The following CDON variants were observed in gnomAD, a reference collection of about 807,000 sequenced individuals.
CDON encodes cell adhesion associated, oncogene regulated, also known as cell adhesion molecule-related/down-regulated by oncogenes.
Under a neutral mutation model 120.9 loss-of-function variants are expected in CDON, and 73 were observed. The observed-to-expected ratio is 0.60, with a 90% CI of 0.50 to 0.73. CDON has a LOEUF of 0.73. Ranked by LOEUF, CDON falls within the 30% of genes least tolerant of loss-of-function variation. CDON has a pLI of 0.00. For missense variants in CDON, 1,470 were observed against 1,587.3 expected, an observed-to-expected ratio of 0.93 and a Z score of 1.26; for synonymous variants, 566 against 573.5, an observed-to-expected ratio of 0.99 and a Z score of 0.19.
At chr11:126,028,247 T>C (rs1947849225) in intron 1 of CDON, among the ~76,000 whole-genome samples, 1 of 152,206 alleles carries the variant, frequency 6.6e-6, no homozygotes, top group Non-Finnish European at 1.5e-5. Flanking sequence ...GTCAACATTC[T>C]GATGCACTTC....
Position 126,010,712 on chromosome 11 carries a change from C to T in CDON, c.1199-18G>A. ...TCCACCGTCTATTAAAAAAGTAATTCACATATGAAAAATGAAGAACATTGT... is the reference window on the plus strand; with the variant it reads ...TCCACCGTCTATTAAAAAAGTAATTTACATATGAAAAATGAAGAACATTGT... On this transcript the variant is annotated intron_variant, in intron 7 of 19. Transcript: ENST00000531738. The T allele has an allele frequency of 6.3e-7, 1 of 1,598,616 alleles. No individual in the cohort carries two copies. The highest frequency in any genetic ancestry group is 8.6e-7 in the Non-Finnish European group (1 of 1,166,492).
chr11:125,995,155 G>T, intron 12 of CDON, 103 bp from the exon 13 acceptor site: 2 of 934,314 alleles, frequency 2.1e-6, no homozygotes, highest in Non-Finnish European at 3.4e-6. Context: ...TATGGCAATT[G>T]TGCTGAAGTA....
At chr11:126,054,744 T>A (rs536474735) in intron 1 of CDON, among the ~76,000 whole-genome samples, 1 of 152,314 alleles carries the variant, frequency 6.6e-6, no homozygotes, top group East Asian at 1.9e-4. Context: ...AAATGCACGT[T>A]AATGCCATCC....
Position 125,981,970 on chromosome 11 carries a change from C to CTTTTTTTTTTTTTTTTTTTTTTT in CDON, c.2996-664_2996-642dup, listed in dbSNP as rs61446837. Among the ~76,000 whole-genome samples the CTTTTTTTTTTTTTTTTTTTTTTT allele has an allele frequency of 9.2e-5, 5 of 54,296 alleles. 1 individual carries two copies. Among genetic ancestry groups the CTTTTTTTTTTTTTTTTTTTTTTT allele is most frequent in the Admixed American group, 3.1e-4 (1 of 3,236 alleles). The allele number at this position is 54,296 out of a possible 152,430, so 35.6% of individuals were successfully genotyped here. The stretch of plus-strand genomic sequence containing the variant: ...CAAAGGCAAAAAGTGATTCTATTTT[C>CTTTTTTTTTTTTTTTTTTTTTTT]TTTTTTTTTTTTTTTTTTTTTTTTT... On this transcript the variant is annotated intron_variant, in intron 16 of 19. Coordinates refer to ENST00000531738, the MANE Select transcript of CDON (RefSeq NM_001378964.1).
rs1249644283 is a variant in CDON, at chr11:125,959,677, C to A, written c.*1265G>T. 6.6e-6 allele frequency: 1 copy of A among 152,130 alleles called. No individual in the cohort carries two copies. Among genetic ancestry groups the A allele is most frequent in the African/African-American group, 2.4e-5 (1 of 41,424 alleles). The allele number at this position is 152,130 out of a possible 1,614,324, so 9.4% of individuals were successfully genotyped here. A position where few individuals can be genotyped will look rare whatever the true frequency, so the allele number is the denominator to read the frequency against. ...CAAAGTAAGTCTTTTCTGACACTCA[C>A]CCCTGCAGGCCGTTGCCTATGCTGG... On this transcript the variant is annotated 3_prime_UTR_variant, in exon 20 of 20. Transcript: ENST00000531738.
intron 7 of CDON, 158 bp from the exon 8 acceptor site, chr11:126,010,852 G>A: frequency 1.5e-6 from 1 of 688,154 alleles, no homozygotes; most frequent in Non-Finnish European, 2.6e-6. Flanking sequence ...AAGTAAGACT[G>A]TCAATAAATG....
At chr11:125,987,985 A>C (rs892328513) in intron 15 of CDON, among the ~76,000 whole-genome samples, 3 of 152,186 alleles carry the variant, frequency 2.0e-5, no homozygotes, top group Non-Finnish European at 4.4e-5. Context: ...CATTTTTTAA[A>C]AACGTACTTT....
intron 18 of CDON, among the ~76,000 whole-genome samples, chr11:125,963,525 G>C (rs1945707218): frequency 6.6e-6 from 1 of 152,272 alleles, no homozygotes; most frequent in Admixed American, 6.5e-5. Context: ...CTAATCAACT[G>C]TTGCTAGCAG....
At chr11:126,016,937 A>G (rs1947485072) in intron 6 of CDON, 151 bp downstream of exon 6, 1 of 671,224 alleles carries the variant, frequency 1.5e-6, no homozygotes, top group Admixed American at 2.9e-5. Flanking sequence ...CTAATTCAGC[A>G]GTCCATTATA....
At chr11:126,031,168 T>TA (rs1947932548) in intron 1 of CDON, among the ~76,000 whole-genome samples, 1 of 152,214 alleles carries the variant, frequency 6.6e-6, no homozygotes, top group Non-Finnish European at 1.5e-5. Flanking sequence ...GCTTACTATA[T>TA]ACCAGGCACT....
intron 1 of CDON, among the ~76,000 whole-genome samples, chr11:126,043,004 C>T (rs1948305834): frequency 6.6e-6 from 1 of 152,190 alleles, no homozygotes; most frequent in South Asian, 2.1e-4. Flanking sequence ...CTTCCTAGAA[C>T]TAAATTGAAA....
At chr11:125,999,656 A>G (rs138794178) in intron 11 of CDON, among the ~76,000 whole-genome samples, 2 of 152,166 alleles carry the variant, frequency 1.3e-5, no homozygotes, top group Admixed American at 1.3e-4. Flanking sequence ...CCCACACCCA[A>G]TCCATCATCT....
chr11:125,964,291 C>A lies in CDON; in HGVS notation c.3357-2293G>T, dbSNP rs568828479. Among the ~76,000 whole-genome samples, 4 of 152,256 alleles carry A rather than the reference C, an allele frequency of 2.6e-5. No individual in the cohort carries two copies. In the South Asian group the frequency reaches 8.3e-4, roughly 32 times the overall value. On this transcript the variant is annotated intron_variant, in intron 18 of 19. Transcript: ENST00000531738. ...ATAACTAACCTTATCTGAAAGAACCCTTTATTGAGAAAGCATTTGCTAAAT... is the reference window on the plus strand; with the variant it reads ...ATAACTAACCTTATCTGAAAGAACCATTTATTGAGAAAGCATTTGCTAAAT...
intron 18 of CDON, among the ~76,000 whole-genome samples, chr11:125,975,793 C>T (rs1235105676): frequency 6.6e-6 from 1 of 152,212 alleles, no homozygotes; most frequent in Non-Finnish European, 1.5e-5. Flanking sequence ...CCTATTCATT[C>T]TTATGTAAAC....
chr11:126,027,739 CCTT>C (rs989111332), intron 1 of CDON, among the ~76,000 whole-genome samples: 2 of 152,180 alleles, frequency 1.3e-5, no homozygotes, highest in African/African-American at 4.8e-5. Flanking sequence ...ATCCCATCCT[CCTT>C]ATCTTTTCTT....
chr11:126,027,186 G>A (rs1292942507), intron 1 of CDON, among the ~76,000 whole-genome samples: 2 of 152,196 alleles, frequency 1.3e-5, no homozygotes, highest in Non-Finnish European at 1.5e-5. Flanking sequence ...AGGCAAGCCT[G>A]CTCAGTTTGT....
At chr11:125,984,240 A>G in intron 15 of CDON, 147 bp from the exon 16 acceptor site, 1 of 668,396 alleles carries the variant, frequency 1.5e-6, no homozygotes, top group Non-Finnish European at 2.6e-6. Context: ...TGAGTCACAA[A>G]GAGGGCTCCA....
At chr11:125,984,146 A>G in intron 15 of CDON, 53 bp from the exon 16 acceptor site, 1 of 1,281,698 alleles carries the variant, frequency 7.8e-7, no homozygotes, top group Non-Finnish European at 1.1e-6. Flanking sequence ...AGACTCCATG[A>G]AATGGTTTAC....
At chr11:126,061,396 T>A (rs1171447235) in intron 1 of CDON, among the ~76,000 whole-genome samples, 1 of 152,218 alleles carries the variant, frequency 6.6e-6, no homozygotes, top group Non-Finnish European at 1.5e-5. Context: ...TTTTCTTTCA[T>A]CTTATCTTAA....
Sources: allele counts gnomAD v4.1 joint callset (sites outside exome capture counted in the v4.1 genomes callset), GRCh38; gene constraint gnomAD v4.1.1; transcripts MANE v1.5; gene names NCBI Gene and HGNC (gene_info 2026-07-23, HGNC 2026-07-21).